The following SUSD6 variants were observed in gnomAD, a reference collection of about 807,000 sequenced individuals.
SUSD6 encodes the protein sushi domain containing 6.
A neutral mutation model predicts 28.4 loss-of-function variants in SUSD6; 16 were observed. The ratio of observed to expected loss-of-function variants is 0.56; its 90% CI spans 0.38 to 0.86. The LOEUF is 0.86. Among genes scored for constraint, SUSD6 ranks in the 40% least tolerant of loss-of-function variants. The pLI, the probability that SUSD6 is intolerant of heterozygous loss-of-function variation, is 0.00. For missense variants in SUSD6, 341 were observed against 384.2 expected, an observed-to-expected ratio of 0.89 and a Z score of 0.94; for synonymous variants, 147 against 159.6, an observed-to-expected ratio of 0.92 and a Z score of 0.59.
At chr14:69,662,815 C>T (rs1057452576) in intron 2 of SUSD6, among the ~76,000 whole-genome samples, 1 of 152,068 alleles carries the variant, frequency 6.6e-6, no homozygotes, top group African/African-American at 2.4e-5. Flanking sequence ...GTGTCTTTTG[C>T]AAAACAGAAA....
chr14:69,632,536 C>T (rs893154303), intron 1 of SUSD6, among the ~76,000 whole-genome samples: 5 of 152,078 alleles, frequency 3.3e-5, no homozygotes, highest in African/African-American at 1.2e-4. Context: ...ACTGTTGAGA[C>T]GTATTTGTCA....
At chr14:69,686,001 C>A (rs761584138) in intron 2 of SUSD6, among the ~76,000 whole-genome samples, 1 of 152,066 alleles carries the variant, frequency 6.6e-6, no homozygotes, top group Non-Finnish European at 1.5e-5. Context: ...TGTGCTGCAG[C>A]GGTAACTTGC....
chr14:69,622,621 T>C (rs918017023), intron 1 of SUSD6, among the ~76,000 whole-genome samples: 12 of 152,102 alleles, frequency 7.9e-5, no homozygotes, highest in African/African-American at 2.9e-4. Context: ...TGAGATGGAG[T>C]CTCACTCTGT....
chr14:69,629,732 G>A (rs1053499901), intron 1 of SUSD6, among the ~76,000 whole-genome samples: 1 of 152,202 alleles, frequency 6.6e-6, no homozygotes, highest in Non-Finnish European at 1.5e-5. Flanking sequence ...TGAGGCTGGG[G>A]TTGCTGTGTT....
At chr14:69,708,454 C>A (rs576911011) in intron 4 of SUSD6, among the ~76,000 whole-genome samples, 2 of 152,154 alleles carry the variant, frequency 1.3e-5, no homozygotes, top group African/African-American at 2.4e-5. Context: ...TGATTGAGGG[C>A]AAGTTAATTA....
intron 2 of SUSD6, among the ~76,000 whole-genome samples, chr14:69,686,573 G>A (rs547184849): frequency 6.6e-6 from 1 of 152,286 alleles, no homozygotes; most frequent in South Asian, 2.1e-4. Flanking sequence ...AGATTTAATT[G>A]GACTTACATT....
intron 4 of SUSD6, among the ~76,000 whole-genome samples, chr14:69,706,547 C>T (rs985502568): frequency 6.6e-6 from 1 of 152,104 alleles, no homozygotes; most frequent in Non-Finnish European, 1.5e-5. Flanking sequence ...GCAGCCATGA[C>T]TTCCCTGGGC....
At chr14:69,623,342 G>A (rs1311079055) in intron 1 of SUSD6, among the ~76,000 whole-genome samples, 2 of 152,156 alleles carry the variant, frequency 1.3e-5, no homozygotes, top group East Asian at 3.8e-4. Flanking sequence ...ATCATCTAGT[G>A]ACATTGTAGC....
intron 2 of SUSD6, among the ~76,000 whole-genome samples, chr14:69,664,370 G>T (rs1175370398): frequency 6.6e-6 from 1 of 152,126 alleles, no homozygotes; most frequent in Non-Finnish European, 1.5e-5. Context: ...TTCTATTCTT[G>T]GAAAGGAACA....
intron 2 of SUSD6, among the ~76,000 whole-genome samples, chr14:69,700,045 G>C (rs1261089705): frequency 6.6e-6 from 1 of 152,044 alleles, no homozygotes; most frequent in Non-Finnish European, 1.5e-5. Flanking sequence ...TACTGTACAC[G>C]TGGTGACAAA....
intron 2 of SUSD6, among the ~76,000 whole-genome samples, chr14:69,665,330 T>G (rs2139619219): frequency 6.6e-6 from 1 of 152,248 alleles, no homozygotes; most frequent in East Asian, 1.9e-4. Flanking sequence ...AACTTCTGCC[T>G]CCTGGGTTAA....
intron 2 of SUSD6, among the ~76,000 whole-genome samples, chr14:69,667,171 C>G (rs1177136410): frequency 2.0e-5 from 3 of 152,138 alleles, no homozygotes; most frequent in Non-Finnish European, 4.4e-5. Context: ...GTATGAGGAT[C>G]AGCCTGTCAG....
chr14:69,616,870 TAC>T (rs1884967273), intron 1 of SUSD6, among the ~76,000 whole-genome samples: 1 of 152,200 alleles, frequency 6.6e-6, no homozygotes, highest in Non-Finnish European at 1.5e-5. Flanking sequence ...TTAGTATATT[TAC>T]AGAGTTGTAC....
intron 2 of SUSD6, among the ~76,000 whole-genome samples, chr14:69,698,887 G>T (rs1886272576): frequency 6.6e-6 from 1 of 152,096 alleles, no homozygotes. Context: ...AAATTGTCTG[G>T]CTTTCTCCTT....
In SUSD6 at chr14:69,713,089, C is replaced by A; in HGVS notation, c.*2110C>A. 1 of 152,268 alleles carries A rather than the reference C, an allele frequency of 6.6e-6. No individual in the cohort carries two copies. Among genetic ancestry groups the A allele is most frequent in the Non-Finnish European group, 1.5e-5 (1 of 68,022 alleles). 9.4% of individuals were successfully genotyped at this position (152,268 alleles called of 1,614,324 possible). A position where few individuals can be genotyped will look rare whatever the true frequency, so the allele number is the denominator to read the frequency against. On this transcript the variant is annotated 3_prime_UTR_variant, in exon 6 of 6. Coordinates refer to ENST00000342745, the MANE Select transcript of SUSD6 (RefSeq NM_014734.4). ...TTTTATTTTTCACTGTTTCAAAACC[C>A]GCATTCTATTCTAGAATGGTTTTTA...
chr14:69,681,212 A>T (rs1566602461), intron 2 of SUSD6, among the ~76,000 whole-genome samples: 1 of 152,184 alleles, frequency 6.6e-6, no homozygotes. Context: ...AAAGTAGTAC[A>T]TTGACATCTG....
At chr14:69,642,367 C>T (rs747508841) in intron 1 of SUSD6, among the ~76,000 whole-genome samples, 5 of 152,264 alleles carry the variant, frequency 3.3e-5, no homozygotes, top group Middle Eastern at 3.4e-3. Flanking sequence ...TCTGCCTTGG[C>T]TGGTGGGAGC....
chr14:69,704,858 G>C (rs1886365477), intron 4 of SUSD6, 116 bp downstream of exon 4: 5 of 1,098,700 alleles, frequency 4.6e-6, no homozygotes, highest in African/African-American at 1.6e-5. Flanking sequence ...TGTGTGTCCA[G>C]GGAGTGGGGA....
intron 1 of SUSD6, among the ~76,000 whole-genome samples, chr14:69,657,990 C>G (rs567329204): frequency 2.0e-5 from 3 of 152,336 alleles, no homozygotes; most frequent in Non-Finnish European, 4.4e-5. Context: ...TCACGGCTGT[C>G]GAGTCAGGTC....
Sources: gnomAD v4.1 joint callset for allele counts (sites outside exome capture counted in the v4.1 genomes callset) on GRCh38, gnomAD v4.1.1 for gene constraint, MANE v1.5 for transcripts, NCBI Gene and HGNC (gene_info 2026-07-23, HGNC 2026-07-21) for gene names.